BRWD1: variants seen among roughly 807,000 people sequenced by gnomAD.
BRWD1 encodes the protein bromodomain and WD repeat-containing protein 1.
In BRWD1, 82 loss-of-function variants were observed where a neutral mutation model predicts 251.2. The ratio of observed to expected loss-of-function variants is 0.33; its 90% confidence interval spans 0.27 to 0.39. The LOEUF (loss-of-function observed/expected upper bound fraction) is 0.39, where lower values mean the gene tolerates loss of function less well. Ranked by LOEUF, BRWD1 falls within the 10% of genes least tolerant of loss-of-function variation. The probability of loss-of-function intolerance (pLI) is 1.00; values close to 1 mark genes in which losing one functional copy is unlikely to be tolerated. For synonymous variants in BRWD1, 918 were observed against 902.8 expected, an observed-to-expected ratio of 1.02 and a Z score of -0.30; for missense variants, 2,233 against 2,711.6, an observed-to-expected ratio of 0.82 and a Z score of 3.92.
At chr21:39,215,871 G>A (rs1172232403) in intron 31 of BRWD1, among the ~76,000 whole-genome samples, 1 of 152,050 alleles carries the variant, frequency 6.6e-6, no homozygotes, top group Non-Finnish European at 1.5e-5. Flanking sequence ...GTACTGGTGC[G>A]CACCTGTAGC....
At chr21:39,294,484 T>TGTA (rs35723741) in intron 7 of BRWD1, among the ~76,000 whole-genome samples, 1 of 151,908 alleles carries the variant, frequency 6.6e-6, no homozygotes, top group Non-Finnish European at 1.5e-5. Flanking sequence ...AGTGAAACCT[T>TGTA]TCTACTAAAA....
At position 39,274,454 on chromosome 21, in the gene BRWD1, T is replaced by C. The variant is rs769582673; in HGVS notation, c.1164A>G (p.Arg388=). 2.0e-5 allele frequency: 32 copies of C among 1,613,766 alleles called. No individual in the cohort carries two copies. The highest frequency in any genetic ancestry group is 1.6e-4 in the Middle Eastern group (1 of 6,082). ...NNGDRFLSGS[R]DGTARIWRFE... ...ATCTCCAAATCCGTGCTGTTCCATCTCTGCTACCACTTAGGAACCTTAAAA... is the reference window on the plus strand; with the variant it reads ...ATCTCCAAATCCGTGCTGTTCCATCCCTGCTACCACTTAGGAACCTTAAAA... The change falls in exon 13 of 41, where the codon AGA becomes AGG. Residue 388 remains arginine, a synonymous_variant. Coordinates refer to ENST00000342449, the MANE Select transcript of BRWD1 (RefSeq NM_033656.4).
At position 39,206,292 on chromosome 21, in the gene BRWD1, C is replaced by CA; in HGVS notation, c.4198-19dup. 1 of 1,509,058 alleles carries CA rather than the reference C, an allele frequency of 6.6e-7. No individual in the cohort carries two copies. The highest frequency in any genetic ancestry group is 9.0e-7 in the Non-Finnish European group (1 of 1,110,022). The allele number at this position is 1,509,058 out of a possible 1,614,324, so 93.5% of individuals were successfully genotyped here. A position where few individuals can be genotyped will look rare whatever the true frequency, so the allele number is the denominator to read the frequency against. On this transcript the variant is annotated intron_variant, in intron 36 of 40. Transcript: ENST00000342449. ...CTATAAATCTGCAAGGATATAAAAACAAAGTAGAATTACAAAATAGCCTTA... is the reference window on the plus strand; with the variant it reads ...CTATAAATCTGCAAGGATATAAAAACAAAAGTAGAATTACAAAATAGCCTTA...
At position 39,189,674 on chromosome 21, in the gene BRWD1, G is replaced by T; in HGVS notation, c.*6585C>A. The T allele has an allele frequency of 2.0e-6, 2 of 980,896 alleles. No individual in the cohort carries two copies. The highest frequency in any genetic ancestry group is 2.4e-6 in the Non-Finnish European group (2 of 826,456). The allele number at this position is 980,896 out of a possible 1,614,324, so 60.8% of individuals were successfully genotyped here. A position where few individuals can be genotyped will look rare whatever the true frequency, so the allele number is the denominator to read the frequency against. On this transcript the variant is annotated 3_prime_UTR_variant, in exon 41 of 41. Coordinates refer to ENST00000342449, the MANE Select transcript of BRWD1 (RefSeq NM_033656.4). ...AAAACAATCTGAGGAAGACAAAACT[G>T]TGGAGAATTTTTTTAAATACATTCA...
At chr21:39,287,881 T>C (rs531364413) in intron 8 of BRWD1, among the ~76,000 whole-genome samples, 1 of 152,320 alleles carries the variant, frequency 6.6e-6, no homozygotes, top group East Asian at 1.9e-4. Flanking sequence ...TCAGCACAAC[T>C]TCAGAAGAGA....
chr21:39,198,485 C>T (rs976983262), intron 40 of BRWD1, among the ~76,000 whole-genome samples: 1 of 152,144 alleles, frequency 6.6e-6, no homozygotes, highest in Non-Finnish European at 1.5e-5. Flanking sequence ...AATATATCCC[C>T]ATCATCAATA....
In BRWD1 at chr21:39,276,212, T is replaced by A. The variant is rs557635105; in HGVS notation, c.1106A>T (p.Asp369Val). The A allele has an allele frequency of 6.2e-7, 1 of 1,601,376 alleles. No individual in the cohort carries two copies. Among genetic ancestry groups the A allele is most frequent in the Non-Finnish European group, 8.5e-7 (1 of 1,172,284 alleles). Reference sequence around the variant, plus strand: ...ACAAAATTGGATACTATCTACTTTATCCTAAAGGGGGGAAAAGGACAAATA... The same window carrying A: ...ACAAAATTGGATACTATCTACTTTAACCTAAAGGGGGGAAAAGGACAAATA... ...EKIAELESHT[D>V]KVDSIQFCNN... The change falls in exon 12 of 41, where the codon GAT becomes GTT. Residue 369 changes from aspartate to valine, a missense_variant and splice_region_variant. By Grantham distance (152) the Asp-to-Val change is radical. Transcript: ENST00000342449.
chr21:39,250,252 C>A (rs1382449670), intron 20 of BRWD1, among the ~76,000 whole-genome samples: 3 of 151,894 alleles, frequency 2.0e-5, no homozygotes, highest in African/African-American at 7.3e-5. Context: ...CAGAAGGCTG[C>A]CAGAAGTCAA....
intron 4 of BRWD1, among the ~76,000 whole-genome samples, chr21:39,301,991 T>G (rs945046431): frequency 1.4e-5 from 2 of 141,714 alleles, no homozygotes; most frequent in Admixed American, 7.1e-5. Flanking sequence ...TTTTTTTTTT[T>G]TTTTTTTTTT....
Position 39,190,016 on chromosome 21 carries a change from T to C in BRWD1, c.*6243A>G, listed in dbSNP as rs1191022430. 2 of 985,296 alleles carry C rather than the reference T, an allele frequency of 2.0e-6. No homozygotes were observed. Among genetic ancestry groups the C allele is most frequent in the African/African-American group, 1.7e-5 (1 of 57,234 alleles). 61.0% of individuals were successfully genotyped at this position (985,296 alleles called of 1,614,324 possible). A position where few individuals can be genotyped will look rare whatever the true frequency, so the allele number is the denominator to read the frequency against. ...CTGGAAGTGATTCCCTACTTGGGTATGGCAAGAACACATCAGTAGTGTAAA... is the reference window on the plus strand; with the variant it reads ...CTGGAAGTGATTCCCTACTTGGGTACGGCAAGAACACATCAGTAGTGTAAA... On this transcript the variant is annotated 3_prime_UTR_variant, in exon 41 of 41. Transcript: ENST00000342449.
intron 13 of BRWD1, among the ~76,000 whole-genome samples, chr21:39,271,954 A>G (rs6517534): frequency 0.93 from 134,358 of 145,052 alleles, 62,554 homozygotes; most frequent in African/African-American, 0.97. Context: ...AAGGAGAATC[A>G]CTTGAACCCA....
At chr21:39,229,259 G>A in intron 26 of BRWD1, 53 bp downstream of exon 26, 1 of 1,473,260 alleles carries the variant, frequency 6.8e-7, no homozygotes, top group Non-Finnish European at 9.4e-7. Context: ...CATTCAATCA[G>A]CAAAATGGCA....
Position 39,278,805 on chromosome 21 carries a change from G to T in BRWD1, c.941C>A (p.Pro314His), listed in dbSNP as rs1207825138. 1.3e-6 allele frequency: 2 copies of T among 1,585,102 alleles called. No individual in the cohort carries two copies. Among genetic ancestry groups the T allele is most frequent in the Non-Finnish European group, 1.7e-6 (2 of 1,168,312 alleles). The part of the protein sequence containing the change: ...DLESLKFSPR[P>H]LKFTEKPRPG... ...CCTAGGCTTTTCAGTGAACTTCAGG[G>T]GACGTGGGCTTTAAAAGAAGAAGAT... The change falls in exon 10 of 41, where the codon CCC becomes CAC. Residue 314 changes from proline (P) to histidine (H), a missense_variant. Pro to His is a moderately conservative substitution (Grantham distance 77). Around this residue, in one of 12 missense-constraint regions of BRWD1, gnomAD observed 315 missense variants for 421.8 expected, o/e 0.75. Transcript: ENST00000342449.
intron 8 of BRWD1, among the ~76,000 whole-genome samples, chr21:39,285,113 T>C (rs1038897217): frequency 3.9e-5 from 6 of 152,230 alleles, no homozygotes; most frequent in Non-Finnish European, 4.4e-5. Context: ...AAATGCCGTG[T>C]GTCCGTGTAT....
intron 7 of BRWD1, 97 bp from the exon 8 acceptor site, chr21:39,294,129 C>T: frequency 1.1e-6 from 1 of 921,462 alleles, no homozygotes; most frequent in Non-Finnish European, 1.6e-6. Flanking sequence ...AACTTTAACT[C>T]TTTCCAACTA....
intron 25 of BRWD1, 129 bp from the exon 26 acceptor site, chr21:39,229,565 C>G: frequency 2.5e-6 from 2 of 792,004 alleles, no homozygotes; most frequent in Non-Finnish European, 4.0e-6. Context: ...TTAATTAATA[C>G]CATTAATTAC....
In BRWD1 at chr21:39,236,763, G is replaced by GA; in HGVS notation, c.2597_2598insT (p.Asp867ArgfsTer5). On this transcript the variant is annotated frameshift_variant, in exon 23 of 41. Coordinates refer to ENST00000342449, the MANE Select transcript of BRWD1 (RefSeq NM_033656.4). LOFTEE classifies it high-confidence loss of function. ...TGATGCCCGCATCAGCTGTCCAATC[G>GA]GAATATCTAGATGAAGAGTCACTAG... The GA allele has an allele frequency of 6.2e-7, 1 of 1,613,588 alleles. No homozygotes were observed. The highest frequency in any genetic ancestry group is 1.1e-5 in the South Asian group (1 of 90,892).
In BRWD1 at chr21:39,305,238, C is replaced by T. The variant is rs1379780633; in HGVS notation, c.199-6656G>A. On this transcript the variant is annotated intron_variant, in intron 4 of 40. Coordinates refer to ENST00000342449, the MANE Select transcript of BRWD1 (RefSeq NM_033656.4). Reference sequence around the variant, plus strand: ...CCCCCTAAAGTGTTGGGATTACATGCGTGAGCCACCACATCTGGCCGTAGT... The same window carrying T: ...CCCCCTAAAGTGTTGGGATTACATGTGTGAGCCACCACATCTGGCCGTAGT... Among the ~76,000 whole-genome samples the T allele has an allele frequency of 4.6e-5, 7 of 152,220 alleles. No individual in the cohort carries two copies. In the East Asian group the frequency reaches 7.7e-4, roughly 17 times the overall value.
chr21:39,304,585 C>T (rs535593574), intron 4 of BRWD1, among the ~76,000 whole-genome samples: 1 of 150,640 alleles, frequency 6.6e-6, no homozygotes, highest in South Asian at 2.1e-4. Flanking sequence ...CTGCACTCCA[C>T]CCTGGGCAAC....
Sources: gnomAD v4.1 joint callset for allele counts (sites outside exome capture counted in the v4.1 genomes callset) on GRCh38, gnomAD v4.1.1 for gene constraint, gnomAD v4.1.1 regional missense constraint, MANE v1.5 for transcripts, NCBI Gene and HGNC (gene_info 2026-07-23, HGNC 2026-07-21) for gene names.